The following SH3TC1 variants were observed in gnomAD, a reference collection of about 807,000 sequenced individuals.
SH3TC1 encodes the protein SH3 domain and tetratricopeptide repeat-containing protein 1.
Under a neutral mutation model 117.3 loss-of-function variants are expected in SH3TC1, and 135 were observed. That is an observed-to-expected ratio of 1.15 (90% confidence interval 1.00 to 1.33). The LOEUF is 1.33. SH3TC1 is among the 40% of genes most tolerant of loss of function. SH3TC1 has a pLI of 0.00. For missense variants in SH3TC1, 2,092 were observed against 1,794.3 expected, an observed-to-expected ratio of 1.17 and a Z score of -3.00; for synonymous variants, 898 against 816.9, an observed-to-expected ratio of 1.10 and a Z score of -1.69.
intron 16 of SH3TC1, 48 bp from the exon 17 acceptor site, chr4:8,237,426 C>CTCCTGAGGGGCCTGTG (rs201946657): frequency 6.9e-7 from 1 of 1,441,184 alleles, no homozygotes; most frequent in African/African-American, 1.4e-5. Flanking sequence ...TGCATGCCTG[C>CTCCTGAGGGGCCTGTG]CCCGGGGAGC....
Position 8,235,275 on chromosome 4 carries a change from G to C in SH3TC1, c.3283-158G>C, listed in dbSNP as rs116348757. Among the ~76,000 whole-genome samples the C allele has an allele frequency of 1.4e-3, 219 of 152,366 alleles. 1 individual carries two copies. Among genetic ancestry groups the C allele is most frequent in the African/African-American group, 5.0e-3 (209 of 41,592 alleles). ...GGGTGCATGAGATCATTGTCCCCAT[G>C]CCAGCGGTGGGGGCGGCCCTAATGC... On this transcript the variant is annotated intron_variant, in intron 14 of 17. Coordinates refer to ENST00000245105, the MANE Select transcript of SH3TC1 (RefSeq NM_018986.5).
intron 17 of SH3TC1, among the ~76,000 whole-genome samples, chr4:8,239,423 GGCACATGCACACACACGGACAC>G (rs2152999616): frequency 8.0e-6 from 1 of 125,596 alleles, no homozygotes; most frequent in African/African-American, 2.7e-5. Context: ...CAAATACACA[GGCACATGCACACACACGGACAC>G]GCACACGCAG....
intron 1 of SH3TC1, among the ~76,000 whole-genome samples, chr4:8,185,058 G>A (rs1387597208): frequency 6.6e-6 from 1 of 150,838 alleles, no homozygotes; most frequent in East Asian, 1.9e-4. Context: ...TGCGTACATA[G>A]GGTGCGGTGG....
intron 8 of SH3TC1, among the ~76,000 whole-genome samples, chr4:8,218,797 C>T (rs1367511216): frequency 6.6e-6 from 1 of 152,264 alleles, no homozygotes; most frequent in East Asian, 1.9e-4. Context: ...ACCGTGACCG[C>T]GTCCTCTTTA....
intron 1 of SH3TC1, among the ~76,000 whole-genome samples, chr4:8,191,791 C>T (rs750567261): frequency 2.1e-4 from 32 of 151,816 alleles, no homozygotes; most frequent in Non-Finnish European, 2.4e-4. Context: ...GGGAGGTGTG[C>T]GGGGCCATCT....
Position 8,237,557 on chromosome 4 carries a change from T to C in SH3TC1, c.3640T>C (p.Phe1214Leu). 1 of 1,611,806 alleles carries C rather than the reference T, an allele frequency of 6.2e-7. No homozygotes were observed. The highest frequency in any genetic ancestry group is 8.5e-7 in the Non-Finnish European group (1 of 1,179,466). ...GGGCCATGGCGAGCTGGCAGAGCAC[T>C]TCTACCTCAAGGCCCTGTCGCTCTG... ...RLGHGELAEHFYLKALSLCNS... is the reference protein window; with the variant it reads ...RLGHGELAEHLYLKALSLCNS... The change falls in exon 17 of 18, where the codon TTC (phenylalanine) becomes CTC (leucine). Residue 1214 changes from phenylalanine (F) to leucine (L), a missense_variant. Coordinates refer to ENST00000245105, the MANE Select transcript of SH3TC1 (RefSeq NM_018986.5).
chr4:8,183,528 T>C lies in SH3TC1; in HGVS notation c.-57+1318T>C, dbSNP rs1717140746. Reference sequence around the variant, plus strand: ...TCCAGGCTTGGCTGGGATCCCGCAGTGACGCTTGGGTGTCTTTGGGCCTTA... The same window carrying C: ...TCCAGGCTTGGCTGGGATCCCGCAGCGACGCTTGGGTGTCTTTGGGCCTTA... On this transcript the variant is annotated intron_variant, in intron 1 of 16. Coordinates refer to the SH3TC1 transcript ENST00000508641. The surrounding 1 kb of genome is among the most constrained non-coding windows in gnomAD (Gnocchi z 5.4). Among the ~76,000 whole-genome samples, 1 of 152,258 alleles carries C rather than the reference T, an allele frequency of 6.6e-6. No individual in the cohort carries two copies. Among genetic ancestry groups the C allele is most frequent in the South Asian group, 2.1e-4 (1 of 4,838 alleles).
At position 8,205,911 on chromosome 4, in the gene SH3TC1, G is replaced by T; in HGVS notation, c.172+545G>T. The T allele has an allele frequency of 1.9e-6, 1 of 533,584 alleles. No individual in the cohort carries two copies. The highest frequency in any genetic ancestry group is 3.3e-6 in the Non-Finnish European group (1 of 299,222). 33.1% of individuals were successfully genotyped at this position (533,584 alleles called of 1,614,324 possible). On this transcript the variant is annotated intron_variant, in intron 2 of 17. Transcript: ENST00000245105. This position sits in a 1 kb window ranked among gnomAD's most constrained non-coding sequence, Gnocchi z 5.4. ...CCTGAGACCCTGAAGGGGACGAGGG[G>T]AGAGGCAGGGGAGACCAAGGCCTGC... is the stretch of plus-strand genomic sequence containing the variant.
intron 15 of SH3TC1, chr4:8,235,872 C>T (rs994749785): frequency 4.3e-5 from 16 of 372,064 alleles, no homozygotes; most frequent in African/African-American, 6.3e-5. Flanking sequence ...AAAGGACACA[C>T]GGCATGCCAG....
At position 8,186,691 on chromosome 4, in the gene SH3TC1, C is replaced by T. The variant is rs958377487; in HGVS notation, c.-57+4481C>T. 6.6e-6 allele frequency among the ~76,000 whole-genome samples: 1 copy of T among 152,140 alleles called. No homozygotes were observed. The highest frequency in any genetic ancestry group is 1.5e-5 in the Non-Finnish European group (1 of 68,010). On this transcript the variant is annotated intron_variant, in intron 1 of 16. Coordinates refer to the SH3TC1 transcript ENST00000508641. This position sits in a 1 kb window ranked among gnomAD's most constrained non-coding sequence, Gnocchi z 5.2. ...GGGTGCGGTGGCTCACGCCTGTAAT[C>T]CCAGCACTTTGGGAGATGGAGGTGG...
In SH3TC1 at chr4:8,205,144, G is replaced by T; in HGVS notation, c.-28-23G>T. On this transcript the variant is annotated intron_variant, in intron 1 of 17. Coordinates refer to ENST00000245105, the MANE Select transcript of SH3TC1 (RefSeq NM_018986.5). This position sits in a 1 kb window ranked among gnomAD's most constrained non-coding sequence, Gnocchi z 5.4. The stretch of plus-strand genomic sequence containing the variant: ...TGGTTCTGGAGGGGCCACCTCTCCT[G>T]ACCACACCCCCTCTGTCCACAGGGC... The T allele has an allele frequency of 6.9e-7, 1 of 1,455,078 alleles. No individual in the cohort carries two copies. Among genetic ancestry groups the T allele is most frequent in the South Asian group, 1.5e-5 (1 of 67,666 alleles). The allele number at this position is 1,455,078 out of a possible 1,614,324, so 90.1% of individuals were successfully genotyped here.
Position 8,183,447 on chromosome 4 carries a change from G to A in SH3TC1, c.-57+1237G>A, listed in dbSNP as rs1000378263. On this transcript the variant is annotated intron_variant, in intron 1 of 16. Coordinates refer to the SH3TC1 transcript ENST00000508641. This position sits in a 1 kb window ranked among gnomAD's most constrained non-coding sequence, Gnocchi z 5.4. ...ACAGTAGAGGGAGGCGTGGCCCAGGGAGGCTCCCGGGCTGGCCTGAGGCCC... is the reference window on the plus strand; with the variant it reads ...ACAGTAGAGGGAGGCGTGGCCCAGGAAGGCTCCCGGGCTGGCCTGAGGCCC... Among the ~76,000 whole-genome samples the A allele has an allele frequency of 3.3e-5, 5 of 152,170 alleles. No homozygotes were observed. Among genetic ancestry groups the A allele is most frequent in the South Asian group, 2.1e-4 (1 of 4,828 alleles).
chr4:8,216,255 A>G lies in SH3TC1; in HGVS notation c.626A>G (p.Glu209Gly). ...RLTHESLLIQ[E>G]GPFFVLCPDH... ...ACCCACGAGAGCCTCCTCATCCAAG[A>G]AGGTGAGCGTTGCATGGGGTGATGG... The change falls in exon 6 of 18, where the codon GAA (glutamate) becomes GGA (glycine). Residue 209 changes from glutamate (E) to glycine (G), a missense_variant and splice_region_variant. Transcript: ENST00000245105. 2 of 1,613,024 alleles carry G rather than the reference A, an allele frequency of 1.2e-6. No individual in the cohort carries two copies. The highest frequency in any genetic ancestry group is 1.7e-6 in the Non-Finnish European group (2 of 1,179,758).
At chr4:8,199,854 C>T (rs766344139) in intron 1 of SH3TC1, among the ~76,000 whole-genome samples, 4 of 152,202 alleles carry the variant, frequency 2.6e-5, no homozygotes, top group South Asian at 2.1e-4. Context: ...CACCCGGCAC[C>T]GCAGTGGCTA....
rs868431693 is a variant in SH3TC1 at position 8,231,988 on chromosome 4, C to T, written c.2963C>T (p.Ala988Val). ...GTCTTCTGCCCAGGCCAGCTGCGGG[C>T]CGTCCAGCGGCTGTGCCACTTCTAC... The part of the protein sequence containing the change: ...EMGHVESQLR[A>V]VQRLCHFYSA... Residue 988 changes from alanine (A) to valine (V), a missense_variant, in exon 13 of 18, where the codon GCC (alanine) becomes GTC (valine). Transcript: ENST00000245105. 6.2e-7 allele frequency: 1 copy of T among 1,611,552 alleles called. No individual in the cohort carries two copies. The highest frequency in any genetic ancestry group is 1.3e-5 in the African/African-American group (1 of 74,938).
Position 8,227,762 on chromosome 4 carries a change from CG to C in SH3TC1, c.2070del (p.Leu691CysfsTer37). 6.2e-7 allele frequency: 1 copy of C among 1,611,474 alleles called. No homozygotes were observed. The highest frequency in any genetic ancestry group is 1.3e-5 in the African/African-American group (1 of 75,046). Reference sequence around the variant, plus strand: ...CGAGGAGGCCCTGCCCTTCCTAGAGCGGCTGCTGCTTTTGCACAGGGACTCG... The same window carrying C: ...CGAGGAGGCCCTGCCCTTCCTAGAGCGCTGCTGCTTTTGCACAGGGACTCG... ...QPEEALPFLE[R>X]LLLLHRDSGA... is the part of the protein sequence containing the mutation. On this transcript the variant is annotated frameshift_variant, in exon 12 of 18. Coordinates refer to ENST00000245105, the MANE Select transcript of SH3TC1 (RefSeq NM_018986.5). LOFTEE classifies it high-confidence loss of function.
chr4:8,240,973 G>C lies in SH3TC1; in HGVS notation c.*18G>C. The C allele has an allele frequency of 6.2e-7, 1 of 1,603,638 alleles. No homozygotes were observed. The highest frequency in any genetic ancestry group is 8.5e-7 in the Non-Finnish European group (1 of 1,178,114). On this transcript the variant is annotated 3_prime_UTR_variant, in exon 18 of 18. Transcript: ENST00000245105. ...CTCGCTGAGGACAGCATCCAAGGGA[G>C]TGGGTTTTGTGCAAGGGCTGGGGGT... is the stretch of plus-strand genomic sequence containing the variant.
intron 1 of SH3TC1, among the ~76,000 whole-genome samples, chr4:8,202,875 G>T (rs182558090): frequency 1.3e-5 from 2 of 152,340 alleles, no homozygotes; most frequent in Admixed American, 1.3e-4. Flanking sequence ...CTGTGTGGGA[G>T]GTGGGTGGTT....
In SH3TC1 at chr4:8,214,543, T is replaced by A. The variant is rs373503466; in HGVS notation, c.444T>A (p.Phe148Leu). Residue 148 changes from phenylalanine (F) to leucine (L), a missense_variant, in exon 5 of 18, where the codon TTT becomes TTA. By Grantham distance (22) the Phe-to-Leu change is conservative. Coordinates refer to ENST00000245105, the MANE Select transcript of SH3TC1 (RefSeq NM_018986.5). ...QDRIVVTFKT[F>L]EEIWKFSTYH... ...GGATCGTGGTGACGTTTAAGACTTTTGAAGAAATCTGGAAGTTTTCCACCT... is the reference window on the plus strand; with the variant it reads ...GGATCGTGGTGACGTTTAAGACTTTAGAAGAAATCTGGAAGTTTTCCACCT... 3.1e-5 allele frequency: 50 copies of A among 1,613,972 alleles called. No homozygotes were observed. The African/African-American group carries it at 6.1e-4, about 20-fold the overall frequency.
Sources: allele counts gnomAD v4.1 joint callset (sites outside exome capture counted in the v4.1 genomes callset), GRCh38; gene constraint gnomAD v4.1.1; non-coding constraint Gnocchi (gnomAD v3.1); transcripts MANE v1.5; gene names NCBI Gene and HGNC (gene_info 2026-07-23, HGNC 2026-07-21).